FGF14: variants seen among roughly 807,000 people sequenced by gnomAD.
The protein encoded by FGF14 is fibroblast growth factor homologous factor 4.
FGF14 carries 5 observed loss-of-function variants against 25.5 expected under a neutral mutation model. The observed-to-expected ratio is 0.20, with a 90% CI of 0.10 to 0.41. The LOEUF is 0.41. FGF14 is among the 10% of genes least tolerant of loss of function. The probability of loss-of-function intolerance (pLI) is 1.00; values close to 1 mark genes in which losing one functional copy is unlikely to be tolerated. For missense variants in FGF14, 222 were observed against 320.1 expected, an observed-to-expected ratio of 0.69 and a Z score of 2.34; for synonymous variants, 138 against 118.3, an observed-to-expected ratio of 1.17 and a Z score of -1.08.
chr13:101,824,780 A>G (rs1400694875), intron 3 of FGF14, among the ~76,000 whole-genome samples: 1 of 152,128 alleles, frequency 6.6e-6, no homozygotes, highest in Non-Finnish European at 1.5e-5. Flanking sequence ...CTAACCTCCA[A>G]CTGAGGAGAG....
intron 3 of FGF14, among the ~76,000 whole-genome samples, chr13:101,867,889 GAC>G (rs370683665): frequency 0.12 from 16,791 of 140,482 alleles, 996 homozygotes; most frequent in Admixed American, 0.18. Context: ...TTCTGTTTAA[GAC>G]ACACACACAC....
intron 1 of FGF14, among the ~76,000 whole-genome samples, chr13:102,328,918 C>T (rs1481012408): frequency 9.9e-5 from 15 of 152,130 alleles, no homozygotes; most frequent in African/African-American, 3.1e-4. Flanking sequence ...CCATTCTCCT[C>T]TCCCCTTATC....
intron 1 of FGF14, among the ~76,000 whole-genome samples, chr13:102,279,940 A>G (rs1813023710): frequency 6.6e-6 from 1 of 152,178 alleles, no homozygotes; most frequent in Admixed American, 6.5e-5. Flanking sequence ...CTGCATTTAC[A>G]TCTATTGGAA....
chr13:101,864,957 A>C (rs1315326246), intron 3 of FGF14, among the ~76,000 whole-genome samples: 4 of 152,152 alleles, frequency 2.6e-5, no homozygotes, highest in Non-Finnish European at 5.9e-5. Context: ...GTAATCTGAC[A>C]GATGAGGGGG....
At chr13:102,150,128 G>A (rs1225924485) in intron 1 of FGF14, among the ~76,000 whole-genome samples, 9 of 152,052 alleles carry the variant, frequency 5.9e-5, no homozygotes, top group Admixed American at 5.9e-4. Flanking sequence ...AATTTTTCTG[G>A]TCTCAGTTCC....
At chr13:101,803,081 G>A (rs936589140) in intron 3 of FGF14, among the ~76,000 whole-genome samples, 2 of 151,314 alleles carry the variant, frequency 1.3e-5, no homozygotes, top group African/African-American at 2.4e-5. Flanking sequence ...GTCAGCTGGC[G>A]TGAAAATTGT....
At chr13:101,979,396 AGATGTTTTACTTC>A (rs1410782791) in intron 1 of FGF14, among the ~76,000 whole-genome samples, 1 of 152,212 alleles carries the variant, frequency 6.6e-6, no homozygotes, top group Non-Finnish European at 1.5e-5. Context: ...AGAAAGGAAC[AGATGTTTTACTTC>A]CTTTATCTCA....
At chr13:102,340,935 G>C (rs1245511738) in intron 1 of FGF14, among the ~76,000 whole-genome samples, 2 of 152,170 alleles carry the variant, frequency 1.3e-5, no homozygotes, top group African/African-American at 4.8e-5. Flanking sequence ...TTGATGCTGA[G>C]ATTTTTATTA....
chr13:101,744,121 C>A (rs1289978245), intron 3 of FGF14, among the ~76,000 whole-genome samples: 1 of 152,096 alleles, frequency 6.6e-6, no homozygotes, highest in Admixed American at 6.6e-5. Context: ...TTGTATCTTA[C>A]TAAGGTATTA....
chr13:101,890,498 T>C (rs749209755), intron 1 of FGF14, among the ~76,000 whole-genome samples: 3 of 152,026 alleles, frequency 2.0e-5, no homozygotes, highest in Non-Finnish European at 4.4e-5. Context: ...AATCTATAGC[T>C]CCTAAGGTCA....
chr13:102,268,095 TGAA>T (rs2053077509), intron 1 of FGF14, among the ~76,000 whole-genome samples: 1 of 152,164 alleles, frequency 6.6e-6, no homozygotes. Context: ...AAATTTATTC[TGAA>T]TAGAAAAGCT....
intron 1 of FGF14, among the ~76,000 whole-genome samples, chr13:102,161,641 A>AAGGAGGAGG (rs2047724098): frequency 2.0e-4 from 3 of 14,692 alleles, no homozygotes; most frequent in Admixed American, 1.1e-3. Context: ...GAAGAAGAAG[A>AAGGAGGAGG]AGAAGAAGAA....
At chr13:102,292,300 A>AC (rs1175192331) in intron 1 of FGF14, 2 of 139,932 alleles carry the variant, frequency 1.4e-5, no homozygotes, top group African/African-American at 5.1e-5. Context: ...AAAAAAAAAA[A>AC]AAAAACTGAC....
rs1200812370 is a variant in FGF14, at chr13:102,006,722, TA to T, written c.209-131427del. 2.0e-3 allele frequency among the ~76,000 whole-genome samples: 272 copies of T among 135,900 alleles called. 1 individual carries two copies. Among genetic ancestry groups the T allele is most frequent in the Non-Finnish European group, 3.4e-3 (221 of 64,532 alleles). The allele number at this position is 135,900 out of a possible 152,430, so 89.2% of individuals were successfully genotyped here. A position where few individuals can be genotyped will look rare whatever the true frequency, so the allele number is the denominator to read the frequency against. ...GACTGAAATATGAGTCACAAAATCT[TA>T]CTTCTTTTTTTTTTTTTTTTTTTTT... On this transcript the variant is annotated intron_variant, in intron 1 of 4. Transcript: ENST00000376131.
intron 1 of FGF14, among the ~76,000 whole-genome samples, chr13:101,928,666 G>C (rs1330916551): frequency 6.6e-6 from 1 of 152,084 alleles, no homozygotes; most frequent in African/African-American, 2.4e-5. Flanking sequence ...GAGGCCCATG[G>C]AGGTTAGGTA....
intron 1 of FGF14, among the ~76,000 whole-genome samples, chr13:102,326,541 A>G (rs1291915724): frequency 6.6e-6 from 1 of 151,814 alleles, no homozygotes; most frequent in Non-Finnish European, 1.5e-5. Flanking sequence ...TTATCTATTT[A>G]TAAGTTGGCT....
chr13:102,145,600 G>A (rs1328468066), intron 1 of FGF14, among the ~76,000 whole-genome samples: 2 of 152,148 alleles, frequency 1.3e-5, no homozygotes, highest in African/African-American at 4.8e-5. Flanking sequence ...TTCCTTCAGT[G>A]TACCAGTTAC....
chr13:101,729,688 A>C lies in FGF14; in HGVS notation c.409-2878T>G, dbSNP rs1233957686. On this transcript the variant is annotated intron_variant, in intron 3 of 4. Coordinates refer to ENST00000376143, the MANE Select transcript of FGF14 (RefSeq NM_004115.4). ...AGTGAGCACTCAATAATTATTCTTT[A>C]AAAGTTTCTCATTATTTGTAGTAAA... Among the ~76,000 whole-genome samples, 3 of 152,196 alleles carry C rather than the reference A, an allele frequency of 2.0e-5. No homozygotes were observed. In the East Asian group the frequency reaches 5.8e-4, roughly 29 times the overall value.
At chr13:101,982,760 C>T (rs1186181686) in intron 1 of FGF14, among the ~76,000 whole-genome samples, 6 of 152,162 alleles carry the variant, frequency 3.9e-5, no homozygotes, top group African/African-American at 1.4e-4. Flanking sequence ...AAAAACCAAA[C>T]AAAATAAAAC....
Sources: gnomAD v4.1 joint callset for allele counts (sites outside exome capture counted in the v4.1 genomes callset) on GRCh38, gnomAD v4.1.1 for gene constraint, MANE v1.5 for transcripts, NCBI Gene and HGNC (gene_info 2026-07-23, HGNC 2026-07-21) for gene names.